Variants in SLC22A15 observed in about 807,000 individuals in gnomAD.
SLC22A15 encodes solute carrier family 22 member 15.
A neutral mutation model predicts 62.7 loss-of-function variants in SLC22A15; 45 were observed. The observed-to-expected ratio is 0.72, with a 90% CI of 0.56 to 0.92. The LOEUF (loss-of-function observed/expected upper bound fraction) is 0.92, where lower values mean the gene tolerates loss of function less well. Among genes scored for constraint, SLC22A15 ranks in the 40% least tolerant of loss-of-function variants. SLC22A15 has a pLI of 0.00. For missense variants in SLC22A15, 622 were observed against 665.6 expected, an observed-to-expected ratio of 0.93 and a Z score of 0.72; for synonymous variants, 264 against 267.0, an observed-to-expected ratio of 0.99 and a Z score of 0.11.
intron 1 of SLC22A15, among the ~76,000 whole-genome samples, chr1:115,984,868 G>C (rs1654781652): frequency 6.6e-6 from 1 of 151,984 alleles, no homozygotes. Flanking sequence ...ATAGAAAAAA[G>C]CTTATAGAAT....
At chr1:116,003,257 C>G (rs924478106) in intron 2 of SLC22A15, among the ~76,000 whole-genome samples, 1 of 152,116 alleles carries the variant, frequency 6.6e-6, no homozygotes, top group East Asian at 1.9e-4. Flanking sequence ...TCACTCTTCC[C>G]TCTTTTCCTG....
intron 5 of SLC22A15, 54 bp from the exon 6 acceptor site, chr1:116,031,312 T>G (rs1400396013): frequency 1.5e-6 from 2 of 1,377,358 alleles, no homozygotes; most frequent in Non-Finnish European, 2.0e-6. Context: ...TTTGTCTCCT[T>G]CCTGTGCACG....
intron 4 of SLC22A15, among the ~76,000 whole-genome samples, chr1:116,023,716 A>G (rs1460175911): frequency 8.5e-5 from 13 of 152,242 alleles, no homozygotes; most frequent in Admixed American, 7.2e-4. Flanking sequence ...AAAATGAAGC[A>G]GGGTAATGGG....
chr1:116,064,520 C>G lies in SLC22A15; in HGVS notation c.1365+12C>G, dbSNP rs1658453162. 6.3e-7 allele frequency: 1 copy of G among 1,593,106 alleles called. No individual in the cohort carries two copies. Among genetic ancestry groups the G allele is most frequent in the Non-Finnish European group, 8.6e-7 (1 of 1,161,336 alleles). On this transcript the variant is annotated intron_variant, in intron 10 of 11. Transcript: ENST00000369503. Reference sequence around the variant, plus strand: ...TCATCCCCTCACTGGTTGGTTTGTACCTTCTAGTTTTGTTTTTCTTGATTC... The same window carrying G: ...TCATCCCCTCACTGGTTGGTTTGTAGCTTCTAGTTTTGTTTTTCTTGATTC...
chr1:115,997,170 C>T (rs1296010781), intron 2 of SLC22A15, among the ~76,000 whole-genome samples: 1 of 152,118 alleles, frequency 6.6e-6, no homozygotes, highest in Non-Finnish European at 1.5e-5. Flanking sequence ...ATGCCAATAC[C>T]ATGCTGCTTT....
intron 4 of SLC22A15, among the ~76,000 whole-genome samples, chr1:116,022,004 G>A (rs1656861977): frequency 6.6e-6 from 1 of 152,180 alleles, no homozygotes; most frequent in South Asian, 2.1e-4. Flanking sequence ...ATGGGCTATT[G>A]TATCGAGCTG....
At chr1:116,045,769 A>T (rs1657915992) in intron 8 of SLC22A15, among the ~76,000 whole-genome samples, 1 of 150,188 alleles carries the variant, frequency 6.7e-6, no homozygotes. Context: ...ACTTATAATG[A>T]AGTTACATTA....
intron 1 of SLC22A15, among the ~76,000 whole-genome samples, chr1:115,976,974 A>T (rs1654334491): frequency 6.6e-6 from 1 of 152,112 alleles, no homozygotes; most frequent in African/African-American, 2.4e-5. Context: ...GAGTGGTGGA[A>T]GGAGCGTGTT....
chr1:116,060,589 C>T (rs1367498918), intron 8 of SLC22A15, among the ~76,000 whole-genome samples: 1 of 152,168 alleles, frequency 6.6e-6, no homozygotes, highest in Admixed American at 6.5e-5. Context: ...TGAAAACAGT[C>T]CCAGAGATCA....
rs1658519549 is a variant in SLC22A15, at chr1:116,067,208, C to T, written c.*100C>T. The T allele has an allele frequency of 4.4e-6, 4 of 909,906 alleles. No homozygotes were observed. Among genetic ancestry groups the T allele is most frequent in the South Asian group, 1.5e-5 (1 of 67,526 alleles). The allele number at this position is 909,906 out of a possible 1,614,324, so 56.4% of individuals were successfully genotyped here. On this transcript the variant is annotated 3_prime_UTR_variant, in exon 12 of 12. Coordinates refer to ENST00000369503, the MANE Select transcript of SLC22A15 (RefSeq NM_018420.3). Reference sequence around the variant, plus strand: ...CCTAAGAGAGTTGTAAAAATAGAGGCTTGGCTTGAATGTACATAGATGGTA... The same window carrying T: ...CCTAAGAGAGTTGTAAAAATAGAGGTTTGGCTTGAATGTACATAGATGGTA...
chr1:116,043,542 G>A (rs1433661182), intron 8 of SLC22A15, among the ~76,000 whole-genome samples: 1 of 151,956 alleles, frequency 6.6e-6, no homozygotes, highest in African/African-American at 2.4e-5. Context: ...TCAAATTAAT[G>A]ATCTAAGCTT....
chr1:116,004,652 A>G (rs531527145), intron 2 of SLC22A15, among the ~76,000 whole-genome samples: 1 of 152,226 alleles, frequency 6.6e-6, no homozygotes, highest in South Asian at 2.1e-4. Context: ...CTTTTTTGAT[A>G]CTATCTTTGG....
chr1:116,031,160 G>A (rs1657373988), intron 5 of SLC22A15, among the ~76,000 whole-genome samples: 1 of 152,012 alleles, frequency 6.6e-6, no homozygotes, highest in Non-Finnish European at 1.5e-5. Flanking sequence ...CATGTTCTTG[G>A]TTTTCAGTGA....
rs978961409 is a variant in SLC22A15, at chr1:115,987,098, C to T, written c.88-4933C>T. ...AAAACTTATCATTTATCCATTAATA[C>T]GTTTTGACTGGAAGAGTTTCATGAG... On this transcript the variant is annotated intron_variant, in intron 1 of 11. Transcript: ENST00000369503. Among the ~76,000 whole-genome samples the T allele has an allele frequency of 4.0e-5, 6 of 151,572 alleles. No homozygotes were observed. In the East Asian group the frequency reaches 5.8e-4, roughly 15 times the overall value.
At chr1:116,053,832 T>C (rs1658125431) in intron 8 of SLC22A15, among the ~76,000 whole-genome samples, 2 of 151,842 alleles carry the variant, frequency 1.3e-5, no homozygotes, top group South Asian at 2.1e-4. Flanking sequence ...AGAAATAAAA[T>C]ACTTTACAGA....
chr1:116,042,617 A>G (rs1413964221), intron 8 of SLC22A15, among the ~76,000 whole-genome samples: 3 of 152,212 alleles, frequency 2.0e-5, no homozygotes, highest in African/African-American at 7.2e-5. Flanking sequence ...TAAACACATA[A>G]TAAGAAAGTG....
intron 1 of SLC22A15, among the ~76,000 whole-genome samples, chr1:115,978,762 G>C (rs1213901403): frequency 6.6e-6 from 1 of 152,168 alleles, no homozygotes; most frequent in Non-Finnish European, 1.5e-5. Context: ...CTGTGGAGTG[G>C]GAGTACTGTG....
At chr1:115,999,595 C>G (rs1347624168) in intron 2 of SLC22A15, among the ~76,000 whole-genome samples, 1 of 151,518 alleles carries the variant, frequency 6.6e-6, no homozygotes, top group South Asian at 2.1e-4. Context: ...CCTCCACCTC[C>G]TGGGTTCAAT....
intron 2 of SLC22A15, among the ~76,000 whole-genome samples, chr1:116,007,336 A>C (rs1656033536): frequency 6.6e-6 from 1 of 152,196 alleles, no homozygotes; most frequent in Non-Finnish European, 1.5e-5. Flanking sequence ...CTCTGGGGTC[A>C]TGATTTGGGA....
Sources: gnomAD v4.1 joint callset for allele counts (sites outside exome capture counted in the v4.1 genomes callset) on GRCh38, gnomAD v4.1.1 for gene constraint, MANE v1.5 for transcripts, NCBI Gene and HGNC (gene_info 2026-07-23, HGNC 2026-07-21) for gene names.